The following ZNF316 variants were observed in gnomAD, a reference collection of about 807,000 sequenced individuals.
ZNF316 encodes the protein zinc finger protein 316.
Under a neutral mutation model 75.6 loss-of-function variants are expected in ZNF316, and 23 were observed. The ratio of observed to expected loss-of-function variants is 0.30; its 90% CI spans 0.22 to 0.43. The LOEUF is 0.43. ZNF316 is among the 20% of genes least tolerant of loss of function. ZNF316 has a pLI of 1.00. For synonymous variants in ZNF316, 827 were observed against 666.2 expected (o/e 1.24, Z -3.72); for missense variants, 1,266 against 1,409.4 (o/e 0.90, Z 1.63).
rs1474419 is a variant in ZNF316 at position 6,652,974 on chromosome 7, T to C, written c.1378T>C (p.Ser460Pro). The change falls in exon 9 of 9, where the codon TCG becomes CCG. Residue 460 changes from serine to proline, a missense_variant. Transcript: ENST00000382252. ...CACCGGCGAGCGACCCTACCCGTGT[T>C]CGCACTGCGGCCGCAGCTTCAGCCA... ...THTGERPYPC[S>P]HCGRSFSQSS... 0.62 allele frequency: 766,951 copies of C among 1,237,508 alleles called. 245,259 individuals are homozygous for C. Among genetic ancestry groups the C allele is most frequent in the East Asian group, 0.95 (29,903 of 31,614 alleles). 76.7% of individuals were successfully genotyped at this position (1,237,508 alleles called of 1,614,324 possible). A position where few individuals can be genotyped will look rare whatever the true frequency, so the allele number is the denominator to read the frequency against.
At chr7:6,645,123 C>T (rs1048627343) in intron 8 of ZNF316, among the ~76,000 whole-genome samples, 1 of 152,210 alleles carries the variant, frequency 6.6e-6, no homozygotes. Flanking sequence ...GGTGAATTTC[C>T]CTGAAAGCCT....
At chr7:6,651,513 G>C (rs780667158) in intron 8 of ZNF316, among the ~76,000 whole-genome samples, 1 of 152,094 alleles carries the variant, frequency 6.6e-6, no homozygotes, top group Non-Finnish European at 1.5e-5. Context: ...AAATTAGCCA[G>C]CTGCGGTGCT....
rs1284775705 is a variant in ZNF316 at position 6,642,371 on chromosome 7, C to G, written c.-28-11C>G. ...AGAGCAGCCCGTCACTGGCGTCCAT[C>G]TGCATTTCAGGCCACGTGGAGGCTC... On this transcript the variant is annotated splice_polypyrimidine_tract_variant and intron_variant, in intron 4 of 8. Coordinates refer to ENST00000382252, the MANE Select transcript of ZNF316 (RefSeq NM_001278559.2). The surrounding 1 kb of genome is among the most constrained non-coding windows in gnomAD (Gnocchi z 8.1). The G allele has an allele frequency of 1.7e-6, 2 of 1,210,568 alleles. No homozygotes were observed. The highest frequency in any genetic ancestry group is 6.3e-5 in the East Asian group (2 of 31,598). The allele number at this position is 1,210,568 out of a possible 1,614,324, so 75.0% of individuals were successfully genotyped here. A position where few individuals can be genotyped will look rare whatever the true frequency, so the allele number is the denominator to read the frequency against.
In ZNF316 at chr7:6,652,605, G is replaced by T; in HGVS notation, c.1009G>T (p.Ala337Ser). The change falls in exon 9 of 9, where the codon GCC (alanine) becomes TCC (serine). Residue 337 changes from alanine to serine, a missense_variant. Coordinates refer to ENST00000382252, the MANE Select transcript of ZNF316 (RefSeq NM_001278559.2). Reference protein sequence around the residue: ...LSPWAFPAAVAPPAGRPETTC... With the variant: ...LSPWAFPAAVSPPAGRPETTC... ...GCCCTGGGCGTTCCCCGCCGCAGTG[G>T]CCCCGCCGGCCGGGAGGCCGGAGAC... is the stretch of plus-strand genomic sequence containing the variant. 8.1e-7 allele frequency: 1 copy of T among 1,230,408 alleles called. No individual in the cohort carries two copies. The allele number at this position is 1,230,408 out of a possible 1,614,324, so 76.2% of individuals were successfully genotyped here. A position where few individuals can be genotyped will look rare whatever the true frequency, so the allele number is the denominator to read the frequency against.
At chr7:6,645,050 G>A (rs1455624402) in intron 8 of ZNF316, among the ~76,000 whole-genome samples, 1 of 152,236 alleles carries the variant, frequency 6.6e-6, no homozygotes, top group Non-Finnish European at 1.5e-5. Context: ...TGACCGGGAT[G>A]GGCAGGTTGG....
chr7:6,647,264 G>A (rs943163272), intron 8 of ZNF316, among the ~76,000 whole-genome samples: 1 of 152,154 alleles, frequency 6.6e-6, no homozygotes, highest in Non-Finnish European at 1.5e-5. Context: ...CCTCCTTACA[G>A]ACCTGGCAGC....
intron 8 of ZNF316, among the ~76,000 whole-genome samples, chr7:6,648,407 G>T (rs559830018): frequency 6.6e-6 from 1 of 152,192 alleles, no homozygotes; most frequent in African/African-American, 2.4e-5. Context: ...GGGACAACTT[G>T]AGCGGTGACC....
At chr7:6,638,095 G>C (rs1287912536) in intron 2 of ZNF316, 86 bp downstream of exon 2, 1 of 152,866 alleles carries the variant, frequency 6.5e-6, no homozygotes, top group Non-Finnish European at 1.5e-5. Context: ...CTGGGCTTTG[G>C]TCGAGGACCC....
chr7:6,649,288 C>T (rs1779463629), intron 8 of ZNF316, among the ~76,000 whole-genome samples: 1 of 152,152 alleles, frequency 6.6e-6, no homozygotes, highest in Admixed American at 6.5e-5. Context: ...CCGTCAGTCC[C>T]AGGGTCTCCT....
intron 8 of ZNF316, among the ~76,000 whole-genome samples, chr7:6,646,493 A>G (rs1367609067): frequency 1.3e-5 from 2 of 152,156 alleles, no homozygotes; most frequent in Admixed American, 6.5e-5. Flanking sequence ...CCCGGGCAAC[A>G]GTACCCTTGT....
intron 8 of ZNF316, among the ~76,000 whole-genome samples, chr7:6,647,604 C>T (rs1053867311): frequency 6.6e-6 from 1 of 152,256 alleles, no homozygotes; most frequent in Non-Finnish European, 1.5e-5. Context: ...GGCCAGGCCC[C>T]AGTGGATGGG....
chr7:6,649,761 G>C (rs751749751), intron 8 of ZNF316, among the ~76,000 whole-genome samples: 2 of 152,204 alleles, frequency 1.3e-5, no homozygotes, highest in Admixed American at 6.5e-5. Flanking sequence ...CCATATGCTG[G>C]AGTGTGGCCC....
intron 8 of ZNF316, 102 bp downstream of exon 8, chr7:6,644,695 C>A: frequency 1.7e-6 from 1 of 574,090 alleles, no homozygotes; most frequent in Non-Finnish European, 2.6e-6. Context: ...TACCTGGTGC[C>A]TCTGACTGCG....
chr7:6,643,878 G>C lies in ZNF316; in HGVS notation c.522G>C (p.Arg174Ser). The part of the protein sequence containing the change: ...AVYFSLEEWE[R>S]LEADQRGLYQ... ...ACTTCTCCCTGGAGGAGTGGGAAAGGCTGGAAGCAGACCAGCGGGGCCTCT... is the reference window on the plus strand; with the variant it reads ...ACTTCTCCCTGGAGGAGTGGGAAAGCCTGGAAGCAGACCAGCGGGGCCTCT... Residue 174 changes from arginine to serine, a missense_variant, in exon 7 of 9, where the codon AGG becomes AGC. By Grantham distance (110) the Arg-to-Ser change is moderately radical. Transcript: ENST00000382252. 8 of 1,237,654 alleles carry C rather than the reference G, an allele frequency of 6.5e-6. No homozygotes were observed. The highest frequency in any genetic ancestry group is 7.1e-6 in the Non-Finnish European group (7 of 991,596). The allele number at this position is 1,237,654 out of a possible 1,614,324, so 76.7% of individuals were successfully genotyped here. A position where few individuals can be genotyped will look rare whatever the true frequency, so the allele number is the denominator to read the frequency against.
Position 6,654,674 on chromosome 7 carries a change from C to T in ZNF316, c.*63C>T, listed in dbSNP as rs1426432821. The T allele has an allele frequency of 7.0e-6, 8 of 1,134,842 alleles. No homozygotes were observed. The highest frequency in any genetic ancestry group is 8.7e-6 in the Non-Finnish European group (8 of 922,418). 70.3% of individuals were successfully genotyped at this position (1,134,842 alleles called of 1,614,324 possible). The stretch of plus-strand genomic sequence containing the variant: ...ACCGGCCCCTCCCTTGGACGGCCGG[C>T]CCCCCGCTCCTCGGGCCCCGGGAGG... On this transcript the variant is annotated 3_prime_UTR_variant, in exon 9 of 9. Transcript: ENST00000382252.
At chr7:6,643,374 C>T (rs1218053067) in intron 6 of ZNF316, among the ~76,000 whole-genome samples, 1 of 152,260 alleles carries the variant, frequency 6.6e-6, no homozygotes, top group Non-Finnish European at 1.5e-5. Flanking sequence ...CTGGCCCTCC[C>T]CTCACCTGGA....
In ZNF316 at chr7:6,644,611, T is replaced by G; in HGVS notation, c.706+18T>G. ...CTACACAGGTGAGCGTGGATGGAAT[T>G]TTGCGGTTTGTGCCGATAGCTTCTC... On this transcript the variant is annotated intron_variant, in intron 8 of 8. Coordinates refer to ENST00000382252, the MANE Select transcript of ZNF316 (RefSeq NM_001278559.2). The G allele has an allele frequency of 8.2e-7, 1 of 1,222,964 alleles. No individual in the cohort carries two copies. The highest frequency in any genetic ancestry group is 3.2e-5 in the East Asian group (1 of 31,650). 75.8% of individuals were successfully genotyped at this position (1,222,964 alleles called of 1,614,324 possible). A position where few individuals can be genotyped will look rare whatever the true frequency, so the allele number is the denominator to read the frequency against.
At chr7:6,649,886 G>A (rs1485918613) in intron 8 of ZNF316, among the ~76,000 whole-genome samples, 1 of 152,192 alleles carries the variant, frequency 6.6e-6, no homozygotes, top group African/African-American at 2.4e-5. Flanking sequence ...CCAAGTGAGA[G>A]GATTCCCTGC....
chr7:6,639,898 C>T lies in ZNF316; in HGVS notation c.-167+757C>T, dbSNP rs138702581. Among the ~76,000 whole-genome samples the T allele has an allele frequency of 4.6e-4, 70 of 152,262 alleles. No homozygotes were observed. The highest frequency in any genetic ancestry group is 4.2e-4 in the South Asian group (2 of 4,810). On this transcript the variant is annotated intron_variant, in intron 3 of 8. Transcript: ENST00000382252. This position sits in a 1 kb window ranked among gnomAD's most constrained non-coding sequence, Gnocchi z 4.2. Reference sequence around the variant, plus strand: ...TTTCGACACTTTGGGCATCTTCACACGCCAAAGAGCTGTGGACACTGAGAA... The same window carrying T: ...TTTCGACACTTTGGGCATCTTCACATGCCAAAGAGCTGTGGACACTGAGAA...
Sources: allele counts gnomAD v4.1 joint callset (sites outside exome capture counted in the v4.1 genomes callset), GRCh38; gene constraint gnomAD v4.1.1; non-coding constraint Gnocchi (gnomAD v3.1); transcripts MANE v1.5; gene names NCBI Gene and HGNC (gene_info 2026-07-23, HGNC 2026-07-21).